Variants in APBB1IP observed in about 807,000 individuals in gnomAD.
APBB1IP encodes amyloid beta precursor protein binding family B member 1 interacting protein.
A neutral mutation model predicts 64.9 loss-of-function variants in APBB1IP; 27 were observed. That is an observed-to-expected ratio of 0.42 (90% CI 0.31 to 0.57). APBB1IP has a LOEUF of 0.57. APBB1IP is among the 20% of genes least tolerant of loss of function. The pLI is 0.20. For synonymous variants in APBB1IP, 392 were observed against 331.0 expected (o/e 1.18, Z -2.00); for missense variants, 812 against 845.5 (o/e 0.96, Z 0.49).
chr10:26,523,738 G>A (rs957227009), intron 8 of APBB1IP, among the ~76,000 whole-genome samples: 9 of 152,050 alleles, frequency 5.9e-5, no homozygotes, highest in Non-Finnish European at 1.0e-4. Context: ...GGAGGCCAAG[G>A]TGGGAGGATC....
intron 10 of APBB1IP, among the ~76,000 whole-genome samples, chr10:26,540,354 C>T (rs756669833): frequency 3.3e-5 from 5 of 152,066 alleles, no homozygotes; most frequent in South Asian, 2.1e-4. Context: ...GAAGGCGGAT[C>T]GCTTGAGCTC....
Position 26,567,056 on chromosome 10 carries a change from G to T in APBB1IP, c.1569G>T (p.Arg523=). Reference sequence around the variant, plus strand: ...GCCTGCCCCCGCCCCCTCCGGTGCGGAGGTCCTCCGACACCAGCGGCAGTC... The same window carrying T: ...GCCTGCCCCCGCCCCCTCCGGTGCGTAGGTCCTCCGACACCAGCGGCAGTC... ...KSSLPPPPPV[R]RSSDTSGSPA... Residue 523 remains arginine, a synonymous_variant, in exon 15 of 15, where the codon CGG becomes CGT. Coordinates refer to ENST00000376236, the MANE Select transcript of APBB1IP (RefSeq NM_019043.4). 3 of 1,509,194 alleles carry T rather than the reference G, an allele frequency of 2.0e-6. No individual in the cohort carries two copies. The highest frequency in any genetic ancestry group is 2.6e-6 in the Non-Finnish European group (3 of 1,143,532). 93.5% of individuals were successfully genotyped at this position (1,509,194 alleles called of 1,614,324 possible).
At chr10:26,469,172 T>C (rs1835684330) in intron 2 of APBB1IP, among the ~76,000 whole-genome samples, 2 of 151,810 alleles carry the variant, frequency 1.3e-5, no homozygotes, top group Admixed American at 1.3e-4. Context: ...GAAAAACACA[T>C]ACATTGTATA....
intron 14 of APBB1IP, among the ~76,000 whole-genome samples, chr10:26,564,984 T>C (rs772614455): frequency 6.6e-6 from 1 of 152,092 alleles, no homozygotes; most frequent in Non-Finnish European, 1.5e-5. Flanking sequence ...CCTGGCAAAA[T>C]GGACCTGTGT....
intron 11 of APBB1IP, among the ~76,000 whole-genome samples, chr10:26,547,004 A>T (rs1043331611): frequency 6.6e-6 from 1 of 152,194 alleles, no homozygotes; most frequent in Non-Finnish European, 1.5e-5. Flanking sequence ...ACTAATTTAC[A>T]TTTCTGCCAA....
At chr10:26,488,717 A>AAGGATTGTTGTGTC in intron 2 of APBB1IP, among the ~76,000 whole-genome samples, 1 of 152,284 alleles carries the variant, frequency 6.6e-6, no homozygotes, top group African/African-American at 2.4e-5. Context: ...AACAATACAC[A>AAGGATTGTTGTGTC]CAAAATAGGA....
intron 2 of APBB1IP, among the ~76,000 whole-genome samples, chr10:26,447,500 G>A (rs1589188832): frequency 6.6e-6 from 1 of 152,016 alleles, no homozygotes; most frequent in East Asian, 1.9e-4. Flanking sequence ...CAGTGGGAAA[G>A]GAAATGGGGA....
chr10:26,544,351 T>C (rs1836734564), intron 11 of APBB1IP, among the ~76,000 whole-genome samples: 1 of 152,252 alleles, frequency 6.6e-6, no homozygotes, highest in Non-Finnish European at 1.5e-5. Flanking sequence ...AATCAGTCAC[T>C]GGAGACTCTT....
At chr10:26,551,717 T>C (rs1588616673) in intron 11 of APBB1IP, among the ~76,000 whole-genome samples, 1 of 152,352 alleles carries the variant, frequency 6.6e-6, no homozygotes, top group South Asian at 2.1e-4. Context: ...ACAGTATTTT[T>C]CACAATGAAA....
intron 2 of APBB1IP, among the ~76,000 whole-genome samples, chr10:26,470,412 G>T (rs1479679101): frequency 6.6e-6 from 1 of 152,208 alleles, no homozygotes; most frequent in East Asian, 1.9e-4. Flanking sequence ...GGAGGCAGGC[G>T]CCTGTAATCC....
rs934121980 is a variant in APBB1IP, at chr10:26,471,746, G to T, written c.1-20581G>T. On this transcript the variant is annotated intron_variant, in intron 2 of 14. Coordinates refer to ENST00000376236, the MANE Select transcript of APBB1IP (RefSeq NM_019043.4). ...TGTCGCCAGGCTGGAGGTCAGTGGC[G>T]CAATCTCGGCTCACTGCAACCTCCG... Among the ~76,000 whole-genome samples, 4 of 151,946 alleles carry T rather than the reference G, an allele frequency of 2.6e-5. No homozygotes were observed. In the East Asian group the frequency reaches 5.8e-4, roughly 22 times the overall value.
At chr10:26,494,974 G>C (rs1330313558) in intron 3 of APBB1IP, among the ~76,000 whole-genome samples, 1 of 151,800 alleles carries the variant, frequency 6.6e-6, no homozygotes, top group Non-Finnish European at 1.5e-5. Context: ...AAAGGTGTTA[G>C]GATGGCAACC....
intron 6 of APBB1IP, among the ~76,000 whole-genome samples, chr10:26,509,295 G>A (rs1247181000): frequency 7.3e-5 from 11 of 151,718 alleles, no homozygotes; most frequent in Admixed American, 2.0e-4. Flanking sequence ...TTTCAAGGGG[G>A]AAAAAAAAGT....
intron 2 of APBB1IP, among the ~76,000 whole-genome samples, chr10:26,479,731 C>T (rs1835814226): frequency 6.6e-6 from 1 of 152,174 alleles, no homozygotes; most frequent in Admixed American, 6.5e-5. Context: ...CCTTCTCTTC[C>T]TATAGGGAAT....
chr10:26,468,021 T>G (rs796174439), intron 2 of APBB1IP, among the ~76,000 whole-genome samples: 5 of 152,366 alleles, frequency 3.3e-5, no homozygotes, highest in African/African-American at 1.2e-4. Context: ...CATTATTTTA[T>G]GGAATCCTTA....
intron 2 of APBB1IP, among the ~76,000 whole-genome samples, chr10:26,454,486 G>A (rs7068804): frequency 0.4 from 60,481 of 151,246 alleles, 12,223 homozygotes; most frequent in South Asian, 0.5. Context: ...ACTCTGTCTC[G>A]AAAAAAATAA....
chr10:26,527,488 A>C (rs1836488902), intron 8 of APBB1IP, among the ~76,000 whole-genome samples: 1 of 151,108 alleles, frequency 6.6e-6, no homozygotes, highest in Non-Finnish European at 1.5e-5. Flanking sequence ...TCAAGGCTGC[A>C]GTGAGCTATG....
At chr10:26,463,126 C>A (rs1328727487) in intron 2 of APBB1IP, among the ~76,000 whole-genome samples, 1 of 152,122 alleles carries the variant, frequency 6.6e-6, no homozygotes, top group East Asian at 1.9e-4. Flanking sequence ...AAATGGAGCA[C>A]CCAAGAGTGC....
At chr10:26,517,160 G>A (rs1440678839) in intron 8 of APBB1IP, among the ~76,000 whole-genome samples, 3 of 152,172 alleles carry the variant, frequency 2.0e-5, no homozygotes, top group Non-Finnish European at 4.4e-5. Context: ...TTTGGGGATG[G>A]CATGTCTTTC....
Sources: allele counts gnomAD v4.1 joint callset (sites outside exome capture counted in the v4.1 genomes callset), GRCh38; gene constraint gnomAD v4.1.1; transcripts MANE v1.5; gene names NCBI Gene and HGNC (gene_info 2026-07-23, HGNC 2026-07-21).